Variants in AGAP1 observed in about 807,000 individuals in gnomAD.
The protein encoded by AGAP1 is ArfGAP with GTPase domain, ankyrin repeat and PH domain 1.
Under a neutral mutation model 105.3 loss-of-function variants are expected in AGAP1, and 29 were observed. That is an observed-to-expected ratio of 0.28 (90% CI 0.21 to 0.38). AGAP1 has a LOEUF of 0.38. Among genes scored for constraint, AGAP1 ranks in the 10% least tolerant of loss-of-function variants. The pLI is 1.00. For synonymous variants in AGAP1, 509 were observed against 485.9 expected (o/e 1.05, Z -0.63); for missense variants, 998 against 1,165.1 (o/e 0.86, Z 2.09).
At position 235,610,194 on chromosome 2, in the gene AGAP1, A is replaced by G. The variant is rs1946080162; in HGVS notation, c.164-98985A>G. ...GTTGACTGCTACCCGATAGAGCCAC[A>G]GTCATCCTGTGTGCCTGCTTGAGTC... On this transcript the variant is annotated intron_variant, in intron 1 of 17. Coordinates refer to ENST00000304032, the MANE Select transcript of AGAP1 (RefSeq NM_001037131.3). The surrounding 1 kb of genome is among the most constrained non-coding windows in gnomAD (Gnocchi z 4.9). Among the ~76,000 whole-genome samples the G allele has an allele frequency of 6.6e-6, 1 of 152,110 alleles. No homozygotes were observed. Among genetic ancestry groups the G allele is most frequent in the Admixed American group, 6.5e-5 (1 of 15,270 alleles).
chr2:235,680,561 C>T (rs540961079), intron 1 of AGAP1, among the ~76,000 whole-genome samples: 18 of 152,014 alleles, frequency 1.2e-4, no homozygotes, highest in African/African-American at 2.2e-4. Context: ...GGGGAGGCAC[C>T]GAGAGCAGGA....
chr2:235,652,076 G>A (rs972407007), intron 1 of AGAP1, among the ~76,000 whole-genome samples: 9 of 152,250 alleles, frequency 5.9e-5, no homozygotes, highest in South Asian at 2.1e-4. Context: ...AGACCATATC[G>A]AAGGGGGCAA....
Position 236,109,346 on chromosome 2 carries a change from C to T in AGAP1, c.2115-10846C>T, listed in dbSNP as rs1001112557. Among the ~76,000 whole-genome samples, 3 of 152,136 alleles carry T rather than the reference C, an allele frequency of 2.0e-5. No homozygotes were observed. Among genetic ancestry groups the T allele is most frequent in the Admixed American group, 6.6e-5 (1 of 15,262 alleles). On this transcript the variant is annotated intron_variant, in intron 16 of 17. Coordinates refer to ENST00000304032, the MANE Select transcript of AGAP1 (RefSeq NM_001037131.3). The surrounding 1 kb of genome is among the most constrained non-coding windows in gnomAD (Gnocchi z 5.4). ...TGGGTACTGGTATCTATATGACTTG[C>T]CTTTTCCTTTTAGTGATCTCCTTTC...
chr2:235,821,629 C>A (rs934190976), intron 9 of AGAP1, among the ~76,000 whole-genome samples: 11 of 152,158 alleles, frequency 7.2e-5, no homozygotes, highest in Non-Finnish European at 1.6e-4. Flanking sequence ...ACCCAGCTTC[C>A]TTCACTGTGG....
At position 235,608,155 on chromosome 2, in the gene AGAP1, C is replaced by G. The variant is rs73122428; in HGVS notation, c.164-101024C>G. Among the ~76,000 whole-genome samples, 1,095 of 152,306 alleles carry G rather than the reference C, an allele frequency of 7.2e-3. 15 individuals carry two copies. Among genetic ancestry groups the G allele is most frequent in the African/African-American group, 0.026 (1,061 of 41,566 alleles). On this transcript the variant is annotated intron_variant, in intron 1 of 17. Coordinates refer to ENST00000304032, the MANE Select transcript of AGAP1 (RefSeq NM_001037131.3). This position sits in a 1 kb window ranked among gnomAD's most constrained non-coding sequence, Gnocchi z 5.4. ...CATTTTTGGCTTCACAGAGTGATGCCTCTGGAGCATCCCCTTGCGGAGCCT... is the reference window on the plus strand; with the variant it reads ...CATTTTTGGCTTCACAGAGTGATGCGTCTGGAGCATCCCCTTGCGGAGCCT...
intron 12 of AGAP1, among the ~76,000 whole-genome samples, chr2:235,948,736 C>T (rs1035487750): frequency 3.3e-5 from 5 of 152,126 alleles, no homozygotes; most frequent in Non-Finnish European, 5.9e-5. Flanking sequence ...GGGGGCACAG[C>T]AGCCAGGCAG....
intron 2 of AGAP1, among the ~76,000 whole-genome samples, chr2:235,709,960 A>AT (rs1950763670): frequency 2.0e-5 from 3 of 152,134 alleles, no homozygotes; most frequent in Admixed American, 2.0e-4. Flanking sequence ...ATATGTGTAT[A>AT]TATGTCTAAT....
rs1228895280 is a variant in AGAP1 at position 236,002,120 on chromosome 2, A to G, written c.1645+33497A>G. On this transcript the variant is annotated intron_variant, in intron 13 of 17. Transcript: ENST00000304032. The surrounding 1 kb of genome is among the most constrained non-coding windows in gnomAD (Gnocchi z 4.3). ...GAGTTTCTCAAGCGACATGCCAGGA[A>G]GAGCTGGCTTCCCCGCACAAGCAGT... Among the ~76,000 whole-genome samples the G allele has an allele frequency of 6.6e-6, 1 of 152,214 alleles. No homozygotes were observed. Among genetic ancestry groups the G allele is most frequent in the Non-Finnish European group, 1.5e-5 (1 of 68,042 alleles).
intron 13 of AGAP1, among the ~76,000 whole-genome samples, chr2:235,984,493 T>TA (rs34531445): frequency 0.53 from 73,985 of 139,164 alleles, 19,606 homozygotes; most frequent in South Asian, 0.67. Context: ...CTTTATTTCT[T>TA]AAAAAAAAAA....
chr2:235,526,654 AAG>A (rs1248797024), intron 1 of AGAP1, among the ~76,000 whole-genome samples: 2 of 120,312 alleles, frequency 1.7e-5, no homozygotes, highest in South Asian at 6.8e-4. Context: ...TACAAGTAAT[AAG>A]AACTTTACAA....
rs200921588 is a variant in AGAP1, at chr2:236,010,126, A to AAAC, written c.1646-26433_1646-26432insCAA. Among the ~76,000 whole-genome samples, 1,062 of 152,184 alleles carry AAAC rather than the reference A, an allele frequency of 7.0e-3. 9 individuals are homozygous for AAAC. Among genetic ancestry groups the AAAC allele is most frequent in the African/African-American group, 0.024 (1,007 of 41,484 alleles). On this transcript the variant is annotated intron_variant, in intron 13 of 17. Transcript: ENST00000304032. ...TTCACATGTGTTAGTAAAAAAAAAA[A>AAAC]AAACAAAAAACTTTTAGAGAAACAA...
chr2:235,975,549 T>C (rs1334033037), intron 13 of AGAP1, among the ~76,000 whole-genome samples: 1 of 152,220 alleles, frequency 6.6e-6, no homozygotes, highest in Non-Finnish European at 1.5e-5. Context: ...CACAAGGCTC[T>C]CATCTTTTCT....
chr2:235,505,515 T>C (rs555144500), intron 1 of AGAP1, among the ~76,000 whole-genome samples: 2 of 152,252 alleles, frequency 1.3e-5, no homozygotes, highest in Non-Finnish European at 2.9e-5. Flanking sequence ...TGAGAATCAA[T>C]AGACAAGATT....
intron 1 of AGAP1, among the ~76,000 whole-genome samples, chr2:235,657,670 C>T (rs1947817704): frequency 6.6e-6 from 1 of 152,202 alleles, no homozygotes; most frequent in Non-Finnish European, 1.5e-5. Flanking sequence ...GCGTGAGCCA[C>T]CGCGCCCAGC....
rs1366977673 is a variant in AGAP1 at position 236,000,888 on chromosome 2, A to C, written c.1645+32265A>C. Among the ~76,000 whole-genome samples, 1 of 152,178 alleles carries C rather than the reference A, an allele frequency of 6.6e-6. No homozygotes were observed. The highest frequency in any genetic ancestry group is 1.5e-5 in the Non-Finnish European group (1 of 68,038). On this transcript the variant is annotated intron_variant, in intron 13 of 17. Transcript: ENST00000304032. The surrounding 1 kb of genome is among the most constrained non-coding windows in gnomAD (Gnocchi z 4.3). Reference sequence around the variant, plus strand: ...GATGAGAAAGGGCCTGTGTGGAAGGAACCAGGGCCAAGCGAGGGAGGCAGA... The same window carrying C: ...GATGAGAAAGGGCCTGTGTGGAAGGCACCAGGGCCAAGCGAGGGAGGCAGA...
chr2:236,049,420 G>A (rs1449676727), intron 16 of AGAP1, 139 bp downstream of exon 16: 3 of 738,960 alleles, frequency 4.1e-6, no homozygotes, highest in Non-Finnish European at 6.5e-6. Flanking sequence ...TCCGGCATAG[G>A]AATGTCTGTG....
At chr2:236,070,881 ACT>A (rs1336371617) in intron 16 of AGAP1, among the ~76,000 whole-genome samples, 6 of 152,082 alleles carry the variant, frequency 3.9e-5, no homozygotes, top group Non-Finnish European at 7.4e-5. Flanking sequence ...TGGTTCCATG[ACT>A]CTGAAAAATG....
At chr2:235,651,135 C>T (rs750389016) in intron 1 of AGAP1, among the ~76,000 whole-genome samples, 10 of 132,318 alleles carry the variant, frequency 7.6e-5, no homozygotes, top group East Asian at 2.4e-4. Flanking sequence ...GAGTCAAGAT[C>T]GTGCCAGCCA....
At chr2:235,857,993 G>A (rs1021633393) in intron 9 of AGAP1, among the ~76,000 whole-genome samples, 1 of 152,132 alleles carries the variant, frequency 6.6e-6, no homozygotes, top group Non-Finnish European at 1.5e-5. Context: ...TACAGGACTG[G>A]AGAGTTTATG....
Sources: gnomAD v4.1 joint callset for allele counts (sites outside exome capture counted in the v4.1 genomes callset) on GRCh38, gnomAD v4.1.1 for gene constraint, Gnocchi (gnomAD v3.1) non-coding constraint, MANE v1.5 for transcripts, NCBI Gene and HGNC (gene_info 2026-07-23, HGNC 2026-07-21) for gene names.